The following CNTNAP5 variants were observed in gnomAD, a reference collection of about 807,000 sequenced individuals.
CNTNAP5 encodes contactin associated protein family member 5.
Under a neutral mutation model 150.2 loss-of-function variants are expected in CNTNAP5, and 72 were observed. The observed-to-expected ratio is 0.48, with a 90% confidence interval of 0.40 to 0.58. CNTNAP5 has a LOEUF of 0.58. CNTNAP5 is among the 20% of genes least tolerant of loss of function. CNTNAP5 has a pLI of 0.00. For missense variants in CNTNAP5, 1,636 were observed against 1,626.2 expected (o/e 1.01, Z -0.10); for synonymous variants, 672 against 619.8 (o/e 1.08, Z -1.25).
chr2:124,871,974 T>C (rs960153967), intron 21 of CNTNAP5, among the ~76,000 whole-genome samples: 83 of 152,172 alleles, frequency 5.5e-4, no homozygotes, highest in African/African-American at 1.8e-3. Flanking sequence ...TATATGAACT[T>C]AGACTTGCTA....
intron 19 of CNTNAP5, among the ~76,000 whole-genome samples, chr2:124,857,056 G>T (rs1212891426): frequency 2.0e-5 from 3 of 152,116 alleles, no homozygotes; most frequent in Non-Finnish European, 4.4e-5. Flanking sequence ...TCTCTCTGAA[G>T]GGGCAAATGG....
intron 22 of CNTNAP5, among the ~76,000 whole-genome samples, chr2:124,908,300 G>A (rs543902288): frequency 2.9e-4 from 44 of 152,158 alleles, no homozygotes; most frequent in African/African-American, 1.0e-3. Context: ...GAACCTGGGA[G>A]GCAGAGGTTG....
intron 1 of CNTNAP5, among the ~76,000 whole-genome samples, chr2:124,199,989 C>T (rs998695398): frequency 2.6e-5 from 4 of 152,078 alleles, no homozygotes; most frequent in Admixed American, 6.5e-5. Flanking sequence ...TTTGCTGGCT[C>T]GGACCTCATT....
intron 3 of CNTNAP5, among the ~76,000 whole-genome samples, chr2:124,300,496 C>T (rs991245231): frequency 1.3e-5 from 2 of 152,190 alleles, no homozygotes; most frequent in African/African-American, 4.8e-5. Context: ...AGGCATGGAG[C>T]AGAGAATAGA....
intron 1 of CNTNAP5, among the ~76,000 whole-genome samples, chr2:124,032,672 G>A (rs1681088747): frequency 6.6e-6 from 1 of 152,060 alleles, no homozygotes; most frequent in African/African-American, 2.4e-5. Context: ...TCTGCATAAT[G>A]TATAGAATAC....
intron 3 of CNTNAP5, among the ~76,000 whole-genome samples, chr2:124,261,884 A>G (rs1687467673): frequency 6.6e-6 from 1 of 152,200 alleles, no homozygotes; most frequent in Admixed American, 6.5e-5. Context: ...ACATGTGCAG[A>G]TTAAACAAGC....
intron 10 of CNTNAP5, among the ~76,000 whole-genome samples, chr2:124,530,832 T>C (rs1695087487): frequency 6.6e-6 from 1 of 152,060 alleles, no homozygotes; most frequent in Non-Finnish European, 1.5e-5. Context: ...ACCAGCCTCA[T>C]AATCTCTACA....
intron 11 of CNTNAP5, among the ~76,000 whole-genome samples, chr2:124,605,969 C>T (rs1476965662): frequency 1.3e-5 from 2 of 151,916 alleles, no homozygotes; most frequent in Non-Finnish European, 2.9e-5. Context: ...TGTCCCCTCC[C>T]ACATTTTTCT....
intron 3 of CNTNAP5, among the ~76,000 whole-genome samples, chr2:124,328,403 T>A (rs1043591596): frequency 2.0e-5 from 3 of 152,216 alleles, no homozygotes; most frequent in African/African-American, 7.2e-5. Flanking sequence ...TGCTTCTTAC[T>A]CAGAATTATT....
intron 8 of CNTNAP5, among the ~76,000 whole-genome samples, chr2:124,517,904 G>A (rs374835322): frequency 6.6e-6 from 1 of 151,202 alleles, no homozygotes; most frequent in African/African-American, 2.4e-5. Context: ...TGTGGTATTG[G>A]TGAAGAGGGG....
Position 124,106,496 on chromosome 2 carries a change from C to T in CNTNAP5, c.82+80764C>T, listed in dbSNP as rs538411119. Among the ~76,000 whole-genome samples, 8 of 152,236 alleles carry T rather than the reference C, an allele frequency of 5.3e-5. No homozygotes were observed. The East Asian group carries it at 1.5e-3, about 29-fold the overall frequency. ...ATCAAGGATGCCTATGAAATTAAAC[C>T]TCCATTAAAGCCTGTAAAGGGGTTT... On this transcript the variant is annotated intron_variant, in intron 1 of 23. Coordinates refer to ENST00000682447, the MANE Select transcript of CNTNAP5 (RefSeq NM_001367498.1).
At position 124,446,775 on chromosome 2, in the gene CNTNAP5, C is replaced by G. The variant is rs779974779; in HGVS notation, c.756C>G (p.Ser252Arg). Reference sequence around the variant, plus strand: ...CAGGTGACAGCAAAGCGCGGCTCAGCAGCAGCTTGCCCTCTGCCACCCTGG... The same window carrying G: ...CAGGTGACAGCAAAGCGCGGCTCAGGAGCAGCTTGCCCTCTGCCACCCTGG... ...LNLGDSKARL[S>R]SSLPSATLGS... The change falls in exon 6 of 24, where the codon AGC becomes AGG. Residue 252 changes from serine (S) to arginine (R), a missense_variant. Transcript: ENST00000682447. The G allele has an allele frequency of 6.2e-7, 1 of 1,613,700 alleles. No individual in the cohort carries two copies. Among genetic ancestry groups the G allele is most frequent in the South Asian group, 1.1e-5 (1 of 91,058 alleles).
At chr2:124,504,206 G>T in intron 7 of CNTNAP5, 86 bp from the exon 8 acceptor site, 16 of 1,334,788 alleles carry the variant, frequency 1.2e-5, no homozygotes, top group Non-Finnish European at 1.7e-5. Context: ...TGAAATTAAG[G>T]TCAGCTCCAG....
intron 13 of CNTNAP5, among the ~76,000 whole-genome samples, chr2:124,716,240 C>T (rs1679942477): frequency 6.6e-6 from 1 of 152,044 alleles, no homozygotes; most frequent in African/African-American, 2.4e-5. Context: ...TTTAAATAAA[C>T]ACTGGCACAT....
chr2:124,146,396 A>C (rs1684256015), intron 1 of CNTNAP5, among the ~76,000 whole-genome samples: 1 of 152,198 alleles, frequency 6.6e-6, no homozygotes, highest in African/African-American at 2.4e-5. Context: ...TTTCAGTGCT[A>C]AGAACCTTGA....
chr2:124,226,232 TA>T (rs1356065738), intron 2 of CNTNAP5, among the ~76,000 whole-genome samples: 7 of 152,030 alleles, frequency 4.6e-5, no homozygotes, highest in Non-Finnish European at 1.0e-4. Flanking sequence ...AACAACAGTG[TA>T]AAAGAGTTCT....
intron 1 of CNTNAP5, 141 bp from the exon 2 acceptor site, chr2:124,221,564 C>T (rs1686316387): frequency 3.3e-6 from 2 of 600,522 alleles, no homozygotes; most frequent in Non-Finnish European, 6.0e-6. Context: ...TGCAGTAACA[C>T]ATGGAAACCG....
chr2:124,714,236 T>A (rs1433024599), intron 13 of CNTNAP5, among the ~76,000 whole-genome samples: 3 of 152,084 alleles, frequency 2.0e-5, no homozygotes, highest in Non-Finnish European at 4.4e-5. Context: ...CACCTCTATC[T>A]GCTCAATGAA....
intron 3 of CNTNAP5, among the ~76,000 whole-genome samples, chr2:124,273,734 T>G (rs369072453): frequency 1.3e-5 from 2 of 152,294 alleles, no homozygotes; most frequent in East Asian, 3.9e-4. Flanking sequence ...AGGAGTCAAG[T>G]GGGGGCACAA....
Sources: gnomAD v4.1 joint callset for allele counts (sites outside exome capture counted in the v4.1 genomes callset) on GRCh38, gnomAD v4.1.1 for gene constraint, MANE v1.5 for transcripts, NCBI Gene and HGNC (gene_info 2026-07-23, HGNC 2026-07-21) for gene names.